Variants in PKD2L2 observed in about 807,000 individuals in gnomAD.
PKD2L2 encodes the protein polycystin-2-like protein 2.
In PKD2L2, 67 loss-of-function variants were observed where a neutral mutation model predicts 83.9. That is an observed-to-expected ratio of 0.80 (90% CI 0.66 to 0.98). PKD2L2 has a LOEUF of 0.98. Ranked by LOEUF, PKD2L2 falls within the 50% of genes least tolerant of loss-of-function variation. The probability of loss-of-function intolerance (pLI) is 0.00; values close to 1 mark genes in which losing one functional copy is unlikely to be tolerated. For synonymous variants in PKD2L2, 223 were observed against 237.8 expected (o/e 0.94, Z 0.57); for missense variants, 632 against 717.2 (o/e 0.88, Z 1.36).
rs201567292 is a variant in PKD2L2, at chr5:137,940,241, G to C, written c.*18-2143G>C. On this transcript the variant is annotated intron_variant, in intron 14 of 14. Transcript: ENST00000508883. ...GAACGTATCTTATATGGATTTTGAA[G>C]AATCTTGTTTGCTTATAAGAACTTC... 3 of 1,613,894 alleles carry C rather than the reference G, an allele frequency of 1.9e-6. No individual in the cohort carries two copies. In the East Asian group the frequency reaches 6.7e-5, roughly 36 times the overall value.
At chr5:137,903,308 T>C (rs1757110234) in intron 5 of PKD2L2, among the ~76,000 whole-genome samples, 1 of 152,200 alleles carries the variant, frequency 6.6e-6, no homozygotes, top group Non-Finnish European at 1.5e-5. Flanking sequence ...TAACATCCCA[T>C]TGGCCAAAGA....
intron 14 of PKD2L2, chr5:137,942,143 A>G: frequency 6.3e-6 from 6 of 956,042 alleles, no homozygotes; most frequent in Non-Finnish European, 9.6e-6. Context: ...TGGCTGGGGA[A>G]CTGTTAGGTC....
chr5:137,935,733 T>A, intron 12 of PKD2L2, 64 bp from the exon 13 acceptor site: 1 of 843,030 alleles, frequency 1.2e-6, no homozygotes, highest in Non-Finnish European at 2.0e-6. Flanking sequence ...GTGATGCTTG[T>A]GTGCCAAAGA....
chr5:137,911,253 G>C (rs1757810971), intron 8 of PKD2L2, among the ~76,000 whole-genome samples: 1 of 152,134 alleles, frequency 6.6e-6, no homozygotes, highest in South Asian at 2.1e-4. Flanking sequence ...ACTTCACTTA[G>C]CACAAATGCC....
At chr5:137,923,064 T>C (rs921805948) in intron 9 of PKD2L2, among the ~76,000 whole-genome samples, 2 of 151,128 alleles carry the variant, frequency 1.3e-5, no homozygotes, top group Admixed American at 6.6e-5. Context: ...CGGGCTGGAG[T>C]GCAGTGGTGC....
rs774253466 is a variant in PKD2L2 at position 137,894,409 on chromosome 5, G to A, written c.324G>A (p.Gln108=). The A allele has an allele frequency of 4.3e-6, 7 of 1,611,610 alleles. No homozygotes were observed. Among genetic ancestry groups the A allele is most frequent in the Middle Eastern group, 1.6e-4 (1 of 6,080 alleles). ...GLYWDSWYNN[Q]QLYNLKNSSR... Reference sequence around the variant, plus strand: ...ACTGGGATTCATGGTACAATAACCAGCAGCTGTATAATTTAAAGAACAGCA... The same window carrying A: ...ACTGGGATTCATGGTACAATAACCAACAGCTGTATAATTTAAAGAACAGCA... Residue 108 remains glutamine (Q), a synonymous_variant, in exon 4 of 15, where the codon CAG becomes CAA. Transcript: ENST00000508883.
At chr5:137,931,312 T>C (rs771340601) in intron 12 of PKD2L2, among the ~76,000 whole-genome samples, 16 of 152,050 alleles carry the variant, frequency 1.1e-4, no homozygotes, top group Non-Finnish European at 1.2e-4. Context: ...CTCTTTGCCC[T>C]AGCAAAGAGA....
At chr5:137,921,838 C>A in intron 9 of PKD2L2, 82 bp downstream of exon 9, 1 of 1,048,392 alleles carries the variant, frequency 9.5e-7, no homozygotes, top group Non-Finnish European at 1.4e-6. Flanking sequence ...ACTATTATTT[C>A]TGCTCAGCTG....
At chr5:137,898,476 G>T (rs984560762) in intron 4 of PKD2L2, among the ~76,000 whole-genome samples, 4 of 152,042 alleles carry the variant, frequency 2.6e-5, no homozygotes, top group African/African-American at 9.7e-5. Flanking sequence ...TCTCATAACA[G>T]AAACAACCTG....
intron 11 of PKD2L2, 147 bp from the exon 12 acceptor site, chr5:137,925,728 C>A: frequency 1.9e-6 from 1 of 520,972 alleles, no homozygotes. Flanking sequence ...CTCTGAAGAG[C>A]TTGTTAATGA....
intron 1 of PKD2L2, chr5:137,889,857 CCT>C (rs1175423173): frequency 3.1e-6 from 1 of 322,686 alleles, no homozygotes; most frequent in South Asian, 1.4e-4. Context: ...GTGTTTTTCC[CCT>C]GTCCAGCAGA....
chr5:137,894,266 TC>T, intron 3 of PKD2L2, 86 bp from the exon 4 acceptor site: 1 of 1,171,076 alleles, frequency 8.5e-7, no homozygotes, highest in Non-Finnish European at 1.2e-6. Flanking sequence ...ATTTTCATAC[TC>T]AAAATCTCTT....
intron 12 of PKD2L2, among the ~76,000 whole-genome samples, chr5:137,934,829 G>A (rs1581002613): frequency 6.6e-6 from 1 of 152,056 alleles, no homozygotes; most frequent in East Asian, 1.9e-4. Flanking sequence ...GCTGCAGTGA[G>A]CCGAGATCGT....
intron 12 of PKD2L2, among the ~76,000 whole-genome samples, chr5:137,932,280 G>A (rs1471457432): frequency 3.3e-5 from 5 of 151,746 alleles, no homozygotes; most frequent in African/African-American, 1.2e-4. Context: ...CCCAGGAGGT[G>A]GAGGTTGCAG....
chr5:137,889,589 A>G, intron 1 of PKD2L2, 67 bp downstream of exon 1: 1 of 1,377,126 alleles, frequency 7.3e-7, no homozygotes, highest in Non-Finnish European at 9.7e-7. Context: ...CCCTGAAAGG[A>G]ACTCTGCGGC....
intron 8 of PKD2L2, among the ~76,000 whole-genome samples, chr5:137,917,767 T>C (rs186703573): frequency 3.9e-4 from 59 of 152,360 alleles, no homozygotes; most frequent in African/African-American, 1.3e-3. Flanking sequence ...AGAGAGCGTA[T>C]CTACTAGCAT....
chr5:137,940,467 GT>G (rs1761340661), intron 14 of PKD2L2: 1 of 487,096 alleles, frequency 2.1e-6, no homozygotes, highest in Non-Finnish European at 3.4e-6. Flanking sequence ...AAGTTGTTCT[GT>G]TAAAAAAAAA....
At chr5:137,916,461 T>C (rs557806692) in intron 8 of PKD2L2, among the ~76,000 whole-genome samples, 2 of 149,680 alleles carry the variant, frequency 1.3e-5, no homozygotes, top group East Asian at 3.9e-4. Flanking sequence ...AGATTCTTAA[T>C]TGCCACTTTT....
At chr5:137,898,492 GA>G (rs926767031) in intron 4 of PKD2L2, among the ~76,000 whole-genome samples, 15 of 151,632 alleles carry the variant, frequency 9.9e-5, no homozygotes, top group Admixed American at 6.6e-4. Flanking sequence ...ACCTGTTAAA[GA>G]AAAAAAACAG....
Sources: gnomAD v4.1 joint callset for allele counts (sites outside exome capture counted in the v4.1 genomes callset) on GRCh38, gnomAD v4.1.1 for gene constraint, MANE v1.5 for transcripts, NCBI Gene and HGNC (gene_info 2026-07-23, HGNC 2026-07-21) for gene names.